The following EYA2 variants were observed in gnomAD, a reference collection of about 807,000 sequenced individuals.
EYA2 encodes the protein protein phosphatase EYA2.
In EYA2, 31 loss-of-function variants were observed where a neutral mutation model predicts 69.2. That is an observed-to-expected ratio of 0.45 (90% CI 0.34 to 0.60). EYA2 has a LOEUF of 0.60. Ranked by LOEUF, EYA2 falls within the 20% of genes least tolerant of loss-of-function variation. The pLI, the probability that EYA2 is intolerant of heterozygous loss-of-function variation, is 0.02. For missense variants in EYA2, 622 were observed against 701.2 expected (o/e 0.89, Z 1.28); for synonymous variants, 257 against 279.4 (o/e 0.92, Z 0.80).
At position 47,175,070 on chromosome 20, in the gene EYA2, G is replaced by T. The variant is rs532257146; in HGVS notation, c.1198+2203G>T. On this transcript the variant is annotated intron_variant, in intron 12 of 15. Transcript: ENST00000327619. ...AGGTTAAGGCCCAGGAAATGCCAGG[G>T]CTTTGTCAGGCTGCTCTGCTCACCC... Among the ~76,000 whole-genome samples the T allele has an allele frequency of 2.6e-5, 4 of 152,358 alleles. No homozygotes were observed. In the South Asian group the frequency reaches 8.3e-4, roughly 32 times the overall value.
At chr20:46,898,696 C>T (rs964390188) in intron 1 of EYA2, among the ~76,000 whole-genome samples, 2 of 152,166 alleles carry the variant, frequency 1.3e-5, no homozygotes, top group African/African-American at 2.4e-5. Flanking sequence ...ACACCCCCTC[C>T]GTCAGGTGGT....
At chr20:47,072,524 T>C (rs2031352955) in intron 6 of EYA2, among the ~76,000 whole-genome samples, 1 of 152,120 alleles carries the variant, frequency 6.6e-6, no homozygotes, top group Non-Finnish European at 1.5e-5. Flanking sequence ...AGGACACCCA[T>C]TGACTGTTGA....
intron 5 of EYA2, among the ~76,000 whole-genome samples, chr20:47,056,495 C>T (rs1306115142): frequency 2.0e-5 from 3 of 152,086 alleles, no homozygotes; most frequent in Non-Finnish European, 4.4e-5. Context: ...ATCACCGTAG[C>T]TCCCGTTTGT....
chr20:47,001,349 G>A (rs1982356595), intron 2 of EYA2, 79 bp from the exon 3 acceptor site: 5 of 1,256,872 alleles, frequency 4.0e-6, no homozygotes, highest in East Asian at 4.6e-5. Context: ...TCCTGCTTAA[G>A]TGGTGTCTGA....
chr20:46,907,659 T>C (rs1464631833), intron 1 of EYA2, among the ~76,000 whole-genome samples: 1 of 152,144 alleles, frequency 6.6e-6, no homozygotes, highest in Non-Finnish European at 1.5e-5. Flanking sequence ...GCCAACATGG[T>C]GAAATCCCAT....
chr20:47,053,023 T>C (rs958750182), intron 5 of EYA2, among the ~76,000 whole-genome samples: 3 of 152,304 alleles, frequency 2.0e-5, no homozygotes, highest in African/African-American at 7.2e-5. Flanking sequence ...TGTGTCTGGG[T>C]CATCTTCGTC....
rs545316825 is a variant in EYA2, at chr20:47,026,014, G to A, written c.415+9717G>A. On this transcript the variant is annotated intron_variant, in intron 5 of 15. Coordinates refer to ENST00000327619, the MANE Select transcript of EYA2 (RefSeq NM_005244.5). ...ACTTTTAAAAGTTTGCAAAAGAAAA[G>A]CAATTAAGTACTAGGCATACCAATA... is the stretch of plus-strand genomic sequence containing the variant. Among the ~76,000 whole-genome samples, 12 of 152,316 alleles carry A rather than the reference G, an allele frequency of 7.9e-5. No individual in the cohort carries two copies. The South Asian group carries it at 2.1e-3, about 26-fold the overall frequency.
chr20:46,946,792 C>A (rs6124902), intron 1 of EYA2, among the ~76,000 whole-genome samples: 10 of 138,330 alleles, frequency 7.2e-5, no homozygotes, highest in Admixed American at 4.4e-4. Flanking sequence ...ACCCACCCAA[C>A]GTAGATGATG....
intron 7 of EYA2, among the ~76,000 whole-genome samples, chr20:47,082,882 C>T (rs1177447301): frequency 2.6e-5 from 4 of 151,884 alleles, no homozygotes; most frequent in Non-Finnish European, 4.4e-5. Flanking sequence ...ACAAATAAAT[C>T]AATGGAACAG....
At chr20:47,071,997 T>C in intron 5 of EYA2, 188 bp from the exon 6 acceptor site, 4 of 629,622 alleles carry the variant, frequency 6.4e-6, no homozygotes, top group Non-Finnish European at 1.1e-5. Context: ...AGAGGATTAG[T>C]GTCAACAAGT....
intron 1 of EYA2, among the ~76,000 whole-genome samples, chr20:46,950,395 T>C (rs779370362): frequency 6.6e-6 from 1 of 152,196 alleles, no homozygotes; most frequent in Non-Finnish European, 1.5e-5. Flanking sequence ...TGATGATGCC[T>C]GTGAGTTTGG....
intron 3 of EYA2, among the ~76,000 whole-genome samples, chr20:47,002,756 T>A (rs562413251): frequency 3.3e-5 from 5 of 152,184 alleles, no homozygotes; most frequent in Non-Finnish European, 7.4e-5. Flanking sequence ...AACTCAGAGA[T>A]GGATGAGATG....
At chr20:47,051,092 G>A (rs1467791412) in intron 5 of EYA2, among the ~76,000 whole-genome samples, 3 of 152,244 alleles carry the variant, frequency 2.0e-5, no homozygotes, top group African/African-American at 4.8e-5. Flanking sequence ...TCACTCTGTC[G>A]CTAACCAGAT....
chr20:47,082,761 C>T (rs80340738), intron 7 of EYA2, among the ~76,000 whole-genome samples: 2,915 of 152,182 alleles, frequency 0.019, 103 homozygotes, highest in African/African-American at 0.066. Flanking sequence ...CAAGAAGGGC[C>T]ACAATGACTT....
chr20:47,101,198 C>T (rs2032413694), intron 9 of EYA2, among the ~76,000 whole-genome samples: 1 of 152,204 alleles, frequency 6.6e-6, no homozygotes, highest in Non-Finnish European at 1.5e-5. Context: ...AAGCCTCCCA[C>T]CTGAGCTTCC....
At chr20:46,985,089 A>G (rs1981097566) in intron 1 of EYA2, among the ~76,000 whole-genome samples, 1 of 152,254 alleles carries the variant, frequency 6.6e-6, no homozygotes, top group Admixed American at 6.5e-5. Flanking sequence ...GGAAACATTT[A>G]CATATTTAAT....
chr20:47,180,325 C>G (rs1002549166), intron 13 of EYA2, among the ~76,000 whole-genome samples: 1 of 152,180 alleles, frequency 6.6e-6, no homozygotes, highest in Non-Finnish European at 1.5e-5. Flanking sequence ...GCCACCACTC[C>G]CAGCCCAAAT....
At chr20:47,012,339 C>T (rs940821294) in intron 4 of EYA2, among the ~76,000 whole-genome samples, 8 of 152,190 alleles carry the variant, frequency 5.3e-5, no homozygotes, top group Admixed American at 2.6e-4. Flanking sequence ...CAGGCCAAAC[C>T]GTGACCAGAT....
intron 5 of EYA2, among the ~76,000 whole-genome samples, chr20:47,043,877 C>T (rs1048169498): frequency 1.3e-5 from 2 of 152,120 alleles, no homozygotes; most frequent in African/African-American, 4.8e-5. Flanking sequence ...GTAGTTCTTT[C>T]ACTTTTTTAG....
Sources: allele counts gnomAD v4.1 joint callset (sites outside exome capture counted in the v4.1 genomes callset), GRCh38; gene constraint gnomAD v4.1.1; transcripts MANE v1.5; gene names NCBI Gene and HGNC (gene_info 2026-07-23, HGNC 2026-07-21).